ADAM23: variants seen among roughly 807,000 people sequenced by gnomAD.
The protein encoded by ADAM23 is ADAM metallopeptidase domain 23.
In ADAM23, 33 loss-of-function variants were observed where a neutral mutation model predicts 120.1. The ratio of observed to expected loss-of-function variants is 0.27; its 90% CI spans 0.21 to 0.37. The LOEUF is 0.37. Among genes scored for constraint, ADAM23 ranks in the 10% least tolerant of loss-of-function variants. ADAM23 has a pLI of 1.00. For missense variants in ADAM23, 862 were observed against 1,058.2 expected, an observed-to-expected ratio of 0.81 and a Z score of 2.57; for synonymous variants, 367 against 375.2, an observed-to-expected ratio of 0.98 and a Z score of 0.25.
intron 2 of ADAM23, among the ~76,000 whole-genome samples, chr2:206,466,954 A>G (rs1695553050): frequency 6.6e-6 from 1 of 152,184 alleles, no homozygotes; most frequent in African/African-American, 2.4e-5. Flanking sequence ...ATGGGGGGAA[A>G]GTGTGACACA....
At chr2:206,557,974 A>G (rs1697679944) in intron 10 of ADAM23, among the ~76,000 whole-genome samples, 1 of 152,194 alleles carries the variant, frequency 6.6e-6, no homozygotes, top group Non-Finnish European at 1.5e-5. Flanking sequence ...CATTGGTGTG[A>G]TATTTCATAC....
chr2:206,613,096 A>T lies in ADAM23; in HGVS notation c.2450+3096A>T, dbSNP rs1559289758. Among the ~76,000 whole-genome samples the T allele has an allele frequency of 4.6e-5, 7 of 151,776 alleles. No individual in the cohort carries two copies. In the South Asian group the frequency reaches 1.5e-3, roughly 32 times the overall value. ...TTTTTTGAGACAGAGTTTTGCTTTT[A>T]TTGCCCAGGCTGGAGTGCAGTGGCA... On this transcript the variant is annotated intron_variant, in intron 25 of 25. Coordinates refer to ENST00000264377, the MANE Select transcript of ADAM23 (RefSeq NM_003812.4).
intron 4 of ADAM23, among the ~76,000 whole-genome samples, chr2:206,534,751 G>T (rs1697137067): frequency 6.6e-6 from 1 of 152,154 alleles, no homozygotes; most frequent in African/African-American, 2.4e-5. Flanking sequence ...TACGTCAGCA[G>T]TCATGATGAA....
intron 3 of ADAM23, among the ~76,000 whole-genome samples, chr2:206,504,911 T>C (rs1006933206): frequency 2.0e-5 from 3 of 152,222 alleles, no homozygotes. Flanking sequence ...CGTCTGTACC[T>C]AAATATTTCA....
intron 15 of ADAM23, among the ~76,000 whole-genome samples, chr2:206,567,997 C>A (rs560488458): frequency 6.6e-6 from 1 of 152,136 alleles, no homozygotes; most frequent in East Asian, 1.9e-4. Context: ...GGAAACCGCC[C>A]CCATGATTCA....
chr2:206,571,318 A>T (rs992760593), intron 16 of ADAM23, among the ~76,000 whole-genome samples: 2 of 152,054 alleles, frequency 1.3e-5, no homozygotes, highest in African/African-American at 4.8e-5. Flanking sequence ...TACTAAAAAT[A>T]CAAAAAATTA....
chr2:206,594,268 A>G (rs1389965120), intron 22 of ADAM23, among the ~76,000 whole-genome samples: 4 of 152,232 alleles, frequency 2.6e-5, no homozygotes, highest in Non-Finnish European at 4.4e-5. Flanking sequence ...TGATTTGTTT[A>G]TGTTTTTCAA....
At chr2:206,505,377 T>C (rs1264420341) in intron 3 of ADAM23, among the ~76,000 whole-genome samples, 1 of 152,196 alleles carries the variant, frequency 6.6e-6, no homozygotes, top group Non-Finnish European at 1.5e-5. Context: ...AGTTACTATT[T>C]GTATTAGTTT....
At chr2:206,572,165 T>G (rs1698013659) in intron 17 of ADAM23, among the ~76,000 whole-genome samples, 1 of 152,156 alleles carries the variant, frequency 6.6e-6, no homozygotes, top group African/African-American at 2.4e-5. Flanking sequence ...ACTTATAACA[T>G]TTTTCTTCAA....
intron 13 of ADAM23, among the ~76,000 whole-genome samples, chr2:206,563,140 A>G (rs1333814238): frequency 2.0e-5 from 3 of 152,218 alleles, no homozygotes; most frequent in South Asian, 2.1e-4. Context: ...ACCTAATGCA[A>G]TCCGGTGGAA....
At chr2:206,452,077 C>T (rs1008823459) in intron 2 of ADAM23, among the ~76,000 whole-genome samples, 2 of 152,196 alleles carry the variant, frequency 1.3e-5, no homozygotes, top group African/African-American at 4.8e-5. Context: ...GCTTACGGCC[C>T]TGGATGGGAG....
intron 18 of ADAM23, among the ~76,000 whole-genome samples, chr2:206,581,897 G>A (rs1698224858): frequency 6.6e-6 from 1 of 151,252 alleles, no homozygotes; most frequent in Non-Finnish European, 1.5e-5. Context: ...TTTTTTTTGA[G>A]ATGGAGTTTC....
intron 3 of ADAM23, among the ~76,000 whole-genome samples, chr2:206,498,071 C>G (rs1042093306): frequency 6.6e-6 from 1 of 152,110 alleles, no homozygotes; most frequent in African/African-American, 2.4e-5. Flanking sequence ...AATGGCCATA[C>G]TGCCCAAGGT....
At chr2:206,463,285 GAGA>G (rs768557149) in intron 2 of ADAM23, among the ~76,000 whole-genome samples, 2 of 152,232 alleles carry the variant, frequency 1.3e-5, no homozygotes, top group Non-Finnish European at 2.9e-5. Flanking sequence ...TACAGTCAGA[GAGA>G]AGGAGATGTA....
chr2:206,577,597 A>G (rs1293167568), intron 18 of ADAM23, among the ~76,000 whole-genome samples: 1 of 140,468 alleles, frequency 7.1e-6, no homozygotes, highest in Non-Finnish European at 1.5e-5. Flanking sequence ...TGAACTCATC[A>G]TTTTTCATGG....
intron 14 of ADAM23, among the ~76,000 whole-genome samples, chr2:206,565,957 C>T (rs1005168117): frequency 1.3e-5 from 2 of 152,142 alleles, no homozygotes; most frequent in Non-Finnish European, 2.9e-5. Context: ...AGGCCATTAT[C>T]CCTGCTACTT....
At chr2:206,595,036 C>A in intron 23 of ADAM23, 131 bp downstream of exon 23, 1 of 1,200,388 alleles carries the variant, frequency 8.3e-7, no homozygotes, top group Non-Finnish European at 1.2e-6. Flanking sequence ...CAAAAAATAG[C>A]TGGGCGTGGT....
chr2:206,584,677 G>GA (rs750501789), intron 18 of ADAM23, among the ~76,000 whole-genome samples: 3 of 152,076 alleles, frequency 2.0e-5, no homozygotes, highest in Admixed American at 6.5e-5. Flanking sequence ...CCAGCTTCAA[G>GA]AAAAAAGGGC....
intron 3 of ADAM23, among the ~76,000 whole-genome samples, chr2:206,484,097 A>G (rs1297003585): frequency 6.6e-6 from 1 of 152,162 alleles, no homozygotes; most frequent in Non-Finnish European, 1.5e-5. Context: ...ACTGAAGGGA[A>G]TGAGATCAAA....
Sources: allele counts gnomAD v4.1 joint callset (sites outside exome capture counted in the v4.1 genomes callset), GRCh38; gene constraint gnomAD v4.1.1; transcripts MANE v1.5; gene names NCBI Gene and HGNC (gene_info 2026-07-23, HGNC 2026-07-21).